TRAPPC3L: variants seen among roughly 807,000 people sequenced by gnomAD.
TRAPPC3L encodes trafficking protein particle complex subunit 3L.
TRAPPC3L carries 23 observed loss-of-function variants against 23.7 expected under a neutral mutation model. The ratio of observed to expected loss-of-function variants is 0.97; its 90% CI spans 0.70 to 1.37. TRAPPC3L has a LOEUF of 1.37. Ranked by LOEUF, TRAPPC3L falls within the 40% of genes most tolerant of loss-of-function variation. The probability of loss-of-function intolerance (pLI) is 0.00; values close to 1 mark genes in which losing one functional copy is unlikely to be tolerated. For missense variants in TRAPPC3L, 212 were observed against 216.8 expected (o/e 0.98, Z 0.14); for synonymous variants, 81 against 77.9 (o/e 1.04, Z -0.21).
intron 3 of TRAPPC3L, among the ~76,000 whole-genome samples, chr6:116,534,049 C>G (rs1328748216): frequency 6.6e-6 from 1 of 152,276 alleles, no homozygotes; most frequent in African/African-American, 2.4e-5. Context: ...AAGTGGAACT[C>G]TGTCTAAAAA....
At chr6:116,515,755 C>T in intron 3 of TRAPPC3L, 1 of 1,613,986 alleles carries the variant, frequency 6.2e-7, no homozygotes, top group Non-Finnish European at 8.5e-7. Context: ...CATTTCTGGA[C>T]TATGCCAACA....
rs752920801 is a variant in TRAPPC3L, at chr6:116,512,034, T to C, written c.241-11368A>G. 1.7e-5 allele frequency: 27 copies of C among 1,614,024 alleles called. No individual in the cohort carries two copies. The East Asian group carries it at 6.0e-4, about 36-fold the overall frequency. On this transcript the variant is annotated intron_variant, in intron 3 of 4. Transcript: ENST00000368602. ...CTGAGCTCATTGGTGGCTCCAGTGATGTGGCTTTCTGTGGCTCTGCTCAAT... is the reference window on the plus strand; with the variant it reads ...CTGAGCTCATTGGTGGCTCCAGTGACGTGGCTTTCTGTGGCTCTGCTCAAT...
intron 3 of TRAPPC3L, among the ~76,000 whole-genome samples, chr6:116,504,518 C>T (rs1172776725): frequency 6.6e-6 from 1 of 152,176 alleles, no homozygotes; most frequent in Non-Finnish European, 1.5e-5. Flanking sequence ...GGGAATCCTC[C>T]CTAACTCATT....
chr6:116,502,843 C>G (rs960898692), intron 3 of TRAPPC3L, among the ~76,000 whole-genome samples: 2 of 152,126 alleles, frequency 1.3e-5, no homozygotes, highest in African/African-American at 4.8e-5. Flanking sequence ...TTTGTTACCA[C>G]CAGGCCTGCC....
chr6:116,526,613 T>C (rs1772442536), intron 3 of TRAPPC3L, among the ~76,000 whole-genome samples: 1 of 152,162 alleles, frequency 6.6e-6, no homozygotes, highest in Non-Finnish European at 1.5e-5. Flanking sequence ...GGAGTACCAC[T>C]GAGAGGTCAC....
chr6:116,511,619 G>A, intron 3 of TRAPPC3L: 2 of 1,334,910 alleles, frequency 1.5e-6, no homozygotes, highest in Non-Finnish European at 2.1e-6. Context: ...GATGAAGAAA[G>A]AGCTCCACCC....
intron 2 of TRAPPC3L, among the ~76,000 whole-genome samples, chr6:116,542,710 A>G (rs1051438892): frequency 6.6e-6 from 1 of 152,134 alleles, no homozygotes; most frequent in Non-Finnish European, 1.5e-5. Flanking sequence ...GGTCTCATTT[A>G]AAAAGGAAGA....
chr6:116,511,095 CATATATATATGTATAT>C (rs1554233684), intron 3 of TRAPPC3L, among the ~76,000 whole-genome samples: 13 of 125,302 alleles, frequency 1.0e-4, no homozygotes, highest in African/African-American at 2.6e-4. Flanking sequence ...ACTAAAATCT[CATATATATATGTATAT>C]ATATATATAT....
intron 3 of TRAPPC3L, chr6:116,524,669 A>C (rs1035486166): frequency 2.0e-5 from 3 of 152,130 alleles, no homozygotes; most frequent in African/African-American, 7.2e-5. Context: ...TCATGTCCAA[A>C]AATGTTAAAT....
intron 3 of TRAPPC3L, among the ~76,000 whole-genome samples, chr6:116,509,009 C>G (rs1166674296): frequency 1.3e-5 from 2 of 150,510 alleles, no homozygotes; most frequent in Non-Finnish European, 3.0e-5. Flanking sequence ...AACTAATGTA[C>G]CCAAATCAGT....
chr6:116,545,582 A>G lies in TRAPPC3L; in HGVS notation c.-68T>C. On this transcript the variant is annotated 5_prime_UTR_variant, in exon 1 of 5. The change abolishes the stop of an existing upstream ORF in the 5' untranslated region. Coordinates refer to ENST00000368602, the MANE Select transcript of TRAPPC3L (RefSeq NM_001139444.3). The stretch of plus-strand genomic sequence containing the variant: ...TTTGCCTGTTTCTTAGAGGTGTATC[A>G]GTCCATGTCTTTTTGTTTTGTTTTT... 1.4e-6 allele frequency: 2 copies of G among 1,396,674 alleles called. No homozygotes were observed. Among genetic ancestry groups the G allele is most frequent in the East Asian group, 5.1e-5 (2 of 39,550 alleles). 86.5% of individuals were successfully genotyped at this position (1,396,674 alleles called of 1,614,324 possible).
chr6:116,511,608 T>C, intron 3 of TRAPPC3L: 1 of 1,202,546 alleles, frequency 8.3e-7, no homozygotes. Flanking sequence ...CTGTTGTTTC[T>C]GATGAAGAAA....
chr6:116,509,379 A>G (rs1278871428), intron 3 of TRAPPC3L, among the ~76,000 whole-genome samples: 1 of 152,182 alleles, frequency 6.6e-6, no homozygotes, highest in Admixed American at 6.5e-5. Flanking sequence ...AAAGAGCCCC[A>G]ACAGCCAAAG....
At chr6:116,497,282 T>C (rs1583262951) in intron 4 of TRAPPC3L, among the ~76,000 whole-genome samples, 1 of 151,896 alleles carries the variant, frequency 6.6e-6, no homozygotes, top group African/African-American at 2.4e-5. Flanking sequence ...AAGAGGAGGG[T>C]GGTCCAGGCC....
chr6:116,543,634 G>A lies in TRAPPC3L; in HGVS notation c.43-234C>T, dbSNP rs368881821. ...TTAAATAAAATGAATTTCGTAACATGATAACATCTTTCTATGCATTTGCTT... is the reference window on the plus strand; with the variant it reads ...TTAAATAAAATGAATTTCGTAACATAATAACATCTTTCTATGCATTTGCTT... On this transcript the variant is annotated intron_variant, in intron 1 of 4. Transcript: ENST00000368602. 211 of 663,742 alleles carry A rather than the reference G, an allele frequency of 3.2e-4. No homozygotes were observed. The African/African-American group carries it at 3.6e-3, about 11-fold the overall frequency. The allele number at this position is 663,742 out of a possible 1,614,324, so 41.1% of individuals were successfully genotyped here. A position where few individuals can be genotyped will look rare whatever the true frequency, so the allele number is the denominator to read the frequency against.
At chr6:116,535,588 C>G (rs983891786) in intron 3 of TRAPPC3L, among the ~76,000 whole-genome samples, 1 of 152,016 alleles carries the variant, frequency 6.6e-6, no homozygotes, top group Non-Finnish European at 1.5e-5. Context: ...GCTCTTTGAC[C>G]AGAGACAGGT....
At chr6:116,530,943 ATG>A (rs1772677307) in intron 3 of TRAPPC3L, among the ~76,000 whole-genome samples, 2 of 126,126 alleles carry the variant, frequency 1.6e-5, no homozygotes, top group Non-Finnish European at 3.4e-5. Flanking sequence ...ATATATATAT[ATG>A]TTACTAATTT....
Position 116,495,191 on chromosome 6 carries a change from C to A in TRAPPC3L, c.*1763G>T, listed in dbSNP as rs1771816733. On this transcript the variant is annotated 3_prime_UTR_variant, in exon 5 of 5. Transcript: ENST00000368602. ...AACTACCCTTCCCAGCCTCTGATAT[C>A]CATCATTTTACTCCATATCTCCATG... 6.6e-6 allele frequency: 1 copy of A among 151,124 alleles called. No individual in the cohort carries two copies. The highest frequency in any genetic ancestry group is 2.1e-4 in the South Asian group (1 of 4,786). 9.4% of individuals were successfully genotyped at this position (151,124 alleles called of 1,614,324 possible).
intron 3 of TRAPPC3L, among the ~76,000 whole-genome samples, chr6:116,515,391 T>C (rs1377314958): frequency 6.6e-6 from 1 of 152,180 alleles, no homozygotes; most frequent in Non-Finnish European, 1.5e-5. Flanking sequence ...GGGAGGAGAA[T>C]AGAGATTAGG....
Sources: allele counts gnomAD v4.1 joint callset (sites outside exome capture counted in the v4.1 genomes callset), GRCh38; gene constraint gnomAD v4.1.1; transcripts MANE v1.5; gene names NCBI Gene and HGNC (gene_info 2026-07-23, HGNC 2026-07-21).